NAV3: variants seen among roughly 807,000 people sequenced by gnomAD.
NAV3 encodes the protein neuron navigator 3.
In NAV3, 87 loss-of-function variants were observed where a neutral mutation model predicts 244.7. That is an observed-to-expected ratio of 0.36 (90% CI 0.30 to 0.42). The LOEUF (loss-of-function observed/expected upper bound fraction) is 0.42. Among genes scored for constraint, NAV3 ranks in the 20% least tolerant of loss-of-function variants. NAV3 has a pLI of 1.00. For missense variants in NAV3, 2,663 were observed against 2,893.3 expected (o/e 0.92, Z 1.83); for synonymous variants, 1,126 against 1,042.2 (o/e 1.08, Z -1.55).
chr12:78,118,687 T>C (rs1955531011), intron 14 of NAV3, among the ~76,000 whole-genome samples: 2 of 152,204 alleles, frequency 1.3e-5, no homozygotes, highest in Admixed American at 1.3e-4. Context: ...CTACAGACTC[T>C]GAGAGGAACA....
intron 24 of NAV3, among the ~76,000 whole-genome samples, chr12:78,170,586 C>T (rs1270866631): frequency 6.6e-6 from 1 of 151,790 alleles, no homozygotes; most frequent in Non-Finnish European, 1.5e-5. Flanking sequence ...ATGACATAAT[C>T]TCTCTTCACC....
At chr12:78,088,868 GA>G (rs1189479575) in intron 12 of NAV3, 1 of 152,088 alleles carries the variant, frequency 6.6e-6, no homozygotes, top group Admixed American at 6.5e-5. Flanking sequence ...CAGGATCCAA[GA>G]AAACACTGAC....
intron 2 of NAV3, among the ~76,000 whole-genome samples, chr12:77,584,355 T>C (rs1000004974): frequency 4.0e-5 from 6 of 151,846 alleles, no homozygotes; most frequent in Non-Finnish European, 8.8e-5. Flanking sequence ...ATTTTTTTAA[T>C]AAAAGGTAAA....
intron 1 of NAV3, among the ~76,000 whole-genome samples, chr12:77,905,126 A>C (rs566067030): frequency 1.8e-4 from 28 of 152,254 alleles, no homozygotes; most frequent in African/African-American, 6.7e-4. Context: ...TTTGTCATAC[A>C]AAAATGGTAA....
intron 5 of NAV3, 119 bp downstream of exon 5, chr12:77,968,821 G>T: frequency 3.1e-6 from 3 of 961,044 alleles, no homozygotes; most frequent in East Asian, 5.4e-5. Flanking sequence ...CAGTGTGATG[G>T]GATTATTTGA....
intron 2 of NAV3, among the ~76,000 whole-genome samples, chr12:77,719,900 A>G (rs1876533549): frequency 6.6e-6 from 1 of 152,172 alleles, no homozygotes; most frequent in African/African-American, 2.4e-5. Context: ...AGAATTCTTC[A>G]GTGAAGCCAT....
chr12:78,185,307 T>A (rs1958665311), intron 30 of NAV3, among the ~76,000 whole-genome samples: 2 of 151,810 alleles, frequency 1.3e-5, no homozygotes, highest in Non-Finnish European at 2.9e-5. Flanking sequence ...CAGGTATTAC[T>A]CAGACCTATG....
intron 4 of NAV3, among the ~76,000 whole-genome samples, chr12:77,967,122 A>G (rs566686039): frequency 1.3e-5 from 2 of 152,226 alleles, no homozygotes; most frequent in African/African-American, 2.4e-5. Context: ...AAAATTCCCC[A>G]GGATAATATG....
At chr12:77,837,412 A>G (rs1332601112) in intron 1 of NAV3, among the ~76,000 whole-genome samples, 3 of 152,126 alleles carry the variant, frequency 2.0e-5, no homozygotes, top group Non-Finnish European at 4.4e-5. Flanking sequence ...AGACAGGTCT[A>G]ATATTAACCA....
chr12:77,813,306 G>T (rs569136165), intron 2 of NAV3, among the ~76,000 whole-genome samples: 1 of 152,200 alleles, frequency 6.6e-6, no homozygotes, highest in East Asian at 1.9e-4. Flanking sequence ...CAGCCATTCT[G>T]CAATTGATTA....
intron 2 of NAV3, among the ~76,000 whole-genome samples, chr12:77,675,140 C>G (rs1304240266): frequency 1.3e-5 from 2 of 152,138 alleles, no homozygotes; most frequent in African/African-American, 4.8e-5. Flanking sequence ...TGCAACAAAT[C>G]AGAAGTAAAG....
intron 2 of NAV3, among the ~76,000 whole-genome samples, chr12:77,683,881 A>G (rs922865526): frequency 6.6e-6 from 1 of 152,126 alleles, no homozygotes; most frequent in Non-Finnish European, 1.5e-5. Flanking sequence ...TTAGATTATT[A>G]TGAATAAAGT....
chr12:77,714,343 T>TTTG (rs1353986655), intron 2 of NAV3, among the ~76,000 whole-genome samples: 2 of 152,070 alleles, frequency 1.3e-5, no homozygotes, highest in South Asian at 2.1e-4. Flanking sequence ...AGGCTATTTT[T>TTTG]TTATTGTTGT....
chr12:77,631,854 C>A (rs992686661), intron 2 of NAV3, among the ~76,000 whole-genome samples: 4 of 152,130 alleles, frequency 2.6e-5, no homozygotes, highest in Admixed American at 1.3e-4. Flanking sequence ...AGTGGTATAC[C>A]AGGGCCTATT....
intron 2 of NAV3, among the ~76,000 whole-genome samples, chr12:77,762,283 T>G (rs906946313): frequency 6.6e-6 from 1 of 151,550 alleles, no homozygotes; most frequent in African/African-American, 2.4e-5. Flanking sequence ...TGTCGGTGGG[T>G]GGGGAGCTAG....
chr12:77,874,537 A>G (rs909095535), intron 1 of NAV3, among the ~76,000 whole-genome samples: 1 of 152,104 alleles, frequency 6.6e-6, no homozygotes, highest in African/African-American at 2.4e-5. Flanking sequence ...TTTGCAAATG[A>G]GATTCATAGA....
At chr12:78,077,100 T>C (rs1194334168) in intron 12 of NAV3, among the ~76,000 whole-genome samples, 1 of 152,162 alleles carries the variant, frequency 6.6e-6, no homozygotes, top group Non-Finnish European at 1.5e-5. Flanking sequence ...AATACAATTA[T>C]ATGTATGGAC....
upstream of NAV3, among the ~76,000 whole-genome samples, chr12:77,827,824 A>G (rs1029389241): frequency 6.6e-6 from 1 of 152,220 alleles, no homozygotes; most frequent in African/African-American, 2.4e-5. Flanking sequence ...TTTATAGATG[A>G]TGAAACTGAG....
chr12:78,057,138 T>A (rs1178585715), intron 11 of NAV3, among the ~76,000 whole-genome samples: 1 of 152,212 alleles, frequency 6.6e-6, no homozygotes, highest in African/African-American at 2.4e-5. Flanking sequence ...GAAAAGTCTC[T>A]ATTTATGAAG....
Sources: allele counts gnomAD v4.1 joint callset (sites outside exome capture counted in the v4.1 genomes callset), GRCh38; gene constraint gnomAD v4.1.1; transcripts MANE v1.5; gene names NCBI Gene and HGNC (gene_info 2026-07-23, HGNC 2026-07-21).